ALMS1: variants seen among roughly 807,000 people sequenced by gnomAD.
ALMS1 encodes centrosome-associated protein ALMS1.
Under a neutral mutation model 352.2 loss-of-function variants are expected in ALMS1, and 271 were observed. That is an observed-to-expected ratio of 0.77 (90% confidence interval 0.70 to 0.85). The LOEUF (loss-of-function observed/expected upper bound fraction) is 0.85. ALMS1 is among the 40% of genes least tolerant of loss of function. The pLI, the probability that ALMS1 is intolerant of heterozygous loss-of-function variation, is 0.00. For synonymous variants in ALMS1, 1,865 were observed against 1,761.2 expected, an observed-to-expected ratio of 1.06 and a Z score of -1.48; for missense variants, 5,445 against 4,870.7, an observed-to-expected ratio of 1.12 and a Z score of -3.51.
intron 3 of ALMS1, among the ~76,000 whole-genome samples, chr2:73,419,794 A>G (rs1385206315): frequency 6.6e-6 from 1 of 152,170 alleles, no homozygotes; most frequent in Non-Finnish European, 1.5e-5. Context: ...TCTGAGGTAG[A>G]TCTTGCTGCT....
rs566696011 is a variant in ALMS1 at position 73,398,435 on chromosome 2, T to C, written c.325-10187T>C. Among the ~76,000 whole-genome samples the C allele has an allele frequency of 6.6e-5, 10 of 152,324 alleles. No individual in the cohort carries two copies. In the South Asian group the frequency reaches 2.1e-3, roughly 32 times the overall value. ...TGTCAGTCCTCCAATTCGGAGTCTTTTGCCCCTCCATATAAACTTTAGATT... is the reference window on the plus strand; with the variant it reads ...TGTCAGTCCTCCAATTCGGAGTCTTCTGCCCCTCCATATAAACTTTAGATT... On this transcript the variant is annotated intron_variant, in intron 1 of 22. Coordinates refer to ENST00000613296, the MANE Select transcript of ALMS1 (RefSeq NM_001378454.1).
intron 9 of ALMS1, among the ~76,000 whole-genome samples, chr2:73,461,214 C>T (rs866354109): frequency 4.6e-5 from 7 of 152,224 alleles, no homozygotes; most frequent in Admixed American, 2.0e-4. Context: ...ACACCTCACA[C>T]GACCGGGTAC....
Position 73,600,873 on chromosome 2 carries a change from C to T in ALMS1, c.11864C>T (p.Ser3955Phe). The T allele has an allele frequency of 6.2e-7, 1 of 1,613,564 alleles. No homozygotes were observed. Among genetic ancestry groups the T allele is most frequent in the Admixed American group, 1.7e-5 (1 of 59,992 alleles). ...AAGTTAAAAAAGAACAAGAAGAATT[C>T]CCATGAAGGTCAGTTTCTCATTCCA... ...DRKLKKNKKN[S>F]HEGVSWFVPV... The change falls in exon 18 of 23, where the codon TCC becomes TTC. Residue 3955 changes from serine (S) to phenylalanine (F), a missense_variant. By Grantham distance (155) the Ser-to-Phe change is radical. Coordinates refer to ENST00000613296, the MANE Select transcript of ALMS1 (RefSeq NM_001378454.1).
At chr2:73,466,870 C>G (rs968393821) in intron 9 of ALMS1, among the ~76,000 whole-genome samples, 18 of 151,996 alleles carry the variant, frequency 1.2e-4, no homozygotes, top group African/African-American at 4.1e-4. Context: ...AGGTTAGAAG[C>G]TGCATAAATG....
At chr2:73,401,848 C>T (rs1252386138) in intron 1 of ALMS1, among the ~76,000 whole-genome samples, 2 of 152,146 alleles carry the variant, frequency 1.3e-5, no homozygotes, top group East Asian at 3.8e-4. Flanking sequence ...CATTTCCTCC[C>T]CTGTTCCTCA....
At chr2:73,542,217 C>T (rs1195965437) in intron 12 of ALMS1, among the ~76,000 whole-genome samples, 1 of 152,122 alleles carries the variant, frequency 6.6e-6, no homozygotes, top group African/African-American at 2.4e-5. Flanking sequence ...GTTCAACATT[C>T]GTAAATCACT....
intron 1 of ALMS1, among the ~76,000 whole-genome samples, chr2:73,387,858 G>A (rs1040952558): frequency 1.3e-5 from 2 of 152,182 alleles, no homozygotes; most frequent in South Asian, 2.1e-4. Flanking sequence ...TTGGAATAGG[G>A]AAGTGTTGGT....
intron 18 of ALMS1, 61 bp downstream of exon 18, chr2:73,600,942 T>G (rs1675670394): frequency 1.9e-6 from 3 of 1,549,222 alleles, no homozygotes; most frequent in Non-Finnish European, 2.6e-6. Context: ...TCCCCTGCGA[T>G]GCTGACTCTG....
chr2:73,460,440 C>T (rs1277615628), intron 9 of ALMS1, among the ~76,000 whole-genome samples: 1 of 152,030 alleles, frequency 6.6e-6, no homozygotes, highest in Admixed American at 6.5e-5. Context: ...TCATTCAGCA[C>T]TCATTAAAAA....
chr2:73,590,587 GT>G (rs781385683), intron 16 of ALMS1, among the ~76,000 whole-genome samples: 11 of 144,888 alleles, frequency 7.6e-5, no homozygotes, highest in Non-Finnish European at 1.7e-4. Context: ...TCCTTTGCCT[GT>G]TTTTCTCTGA....
intron 9 of ALMS1, among the ~76,000 whole-genome samples, chr2:73,488,197 G>A (rs1363379237): frequency 1.3e-5 from 2 of 152,152 alleles, no homozygotes; most frequent in Admixed American, 1.3e-4. Context: ...TTATGTCAGG[G>A]GGCGCCTGCA....
chr2:73,510,735 G>A (rs1030616051), intron 10 of ALMS1, among the ~76,000 whole-genome samples: 2 of 152,180 alleles, frequency 1.3e-5, no homozygotes, highest in Non-Finnish European at 2.9e-5. Context: ...AGCAGGGCTC[G>A]AGGGCTGTCC....
intron 10 of ALMS1, among the ~76,000 whole-genome samples, chr2:73,495,733 A>C (rs1346536778): frequency 6.6e-6 from 1 of 152,106 alleles, no homozygotes; most frequent in East Asian, 1.9e-4. Context: ...GTGTGTTTTA[A>C]ATCATGTGTC....
intron 9 of ALMS1, among the ~76,000 whole-genome samples, chr2:73,462,315 G>A (rs1191134539): frequency 6.6e-6 from 1 of 152,164 alleles, no homozygotes; most frequent in Non-Finnish European, 1.5e-5. Context: ...CATTCTTAAA[G>A]AAAAGAATTT....
chr2:73,406,366 T>C (rs1458587040), intron 1 of ALMS1, among the ~76,000 whole-genome samples: 1 of 152,010 alleles, frequency 6.6e-6, no homozygotes, highest in East Asian at 1.9e-4. Context: ...ACTTAGAGCC[T>C]GTGTGTGTCC....
chr2:73,521,920 T>C (rs900240820), intron 11 of ALMS1, among the ~76,000 whole-genome samples: 2 of 152,148 alleles, frequency 1.3e-5, no homozygotes, highest in African/African-American at 2.4e-5. Flanking sequence ...TTTTATGAGG[T>C]GTTTTTTTTT....
chr2:73,551,721 C>G (rs1674439036), intron 13 of ALMS1, among the ~76,000 whole-genome samples: 2 of 152,078 alleles, frequency 1.3e-5, no homozygotes, highest in South Asian at 4.1e-4. Context: ...CAGGCATGAG[C>G]CACCGTGTCT....
chr2:73,438,227 T>C (rs1292535590), intron 7 of ALMS1, among the ~76,000 whole-genome samples: 1 of 152,238 alleles, frequency 6.6e-6, no homozygotes, highest in African/African-American at 2.4e-5. Context: ...TCATATTGTA[T>C]TGAAATGGTC....
At position 73,491,547 on chromosome 2, in the gene ALMS1, G is replaced by A. The variant is rs1049337755; in HGVS notation, c.9539+49G>A. 5.7e-6 allele frequency: 9 copies of A among 1,591,956 alleles called. No individual in the cohort carries two copies. The African/African-American group carries it at 1.1e-4, about 19-fold the overall frequency. ...CAAGCTGGATGGACTTTGTAATAAA[G>A]GGTTTCAAATACTTAAGTAGATATC... On this transcript the variant is annotated intron_variant, in intron 10 of 22. Transcript: ENST00000613296.
Sources: allele counts gnomAD v4.1 joint callset (sites outside exome capture counted in the v4.1 genomes callset), GRCh38; gene constraint gnomAD v4.1.1; transcripts MANE v1.5; gene names NCBI Gene and HGNC (gene_info 2026-07-23, HGNC 2026-07-21).